The following KCNIP4 variants were observed in gnomAD, a reference collection of about 807,000 sequenced individuals.
KCNIP4 encodes Kv channel-interacting protein 4.
A neutral mutation model predicts 34.0 loss-of-function variants in KCNIP4; 12 were observed. That is an observed-to-expected ratio of 0.35 (90% CI 0.23 to 0.57). KCNIP4 has a LOEUF of 0.57. KCNIP4 is among the 20% of genes least tolerant of loss of function. The pLI is 0.83. For synonymous variants in KCNIP4, 124 were observed against 102.2 expected (o/e 1.21, Z -1.29); for missense variants, 238 against 311.7 (o/e 0.76, Z 1.78).
chr4:21,645,380 C>T (rs1434865183), intron 1 of KCNIP4, among the ~76,000 whole-genome samples: 1 of 152,074 alleles, frequency 6.6e-6, no homozygotes, highest in Non-Finnish European at 1.5e-5. Flanking sequence ...AATGGAGTTT[C>T]CTTAATAAAT....
At chr4:21,303,811 T>TAA in intron 1 of KCNIP4, 2 of 1,613,640 alleles carry the variant, frequency 1.2e-6, no homozygotes, top group Non-Finnish European at 1.7e-6. Flanking sequence ...CCTTACCTTC[T>TAA]AAACCTGCTT....
chr4:21,771,866 G>A (rs1042457218), intron 1 of KCNIP4, among the ~76,000 whole-genome samples: 1 of 151,806 alleles, frequency 6.6e-6, no homozygotes, highest in African/African-American at 2.4e-5. Flanking sequence ...AATCATGTCT[G>A]CAAACAGAAA....
At chr4:21,738,961 G>A (rs1034016467) in intron 1 of KCNIP4, among the ~76,000 whole-genome samples, 5 of 152,032 alleles carry the variant, frequency 3.3e-5, no homozygotes, top group Non-Finnish European at 1.5e-5. Flanking sequence ...ATCTTGATTC[G>A]GCTTTCATTA....
intron 1 of KCNIP4, among the ~76,000 whole-genome samples, chr4:21,228,742 T>C (rs1758583922): frequency 6.6e-6 from 1 of 152,152 alleles, no homozygotes; most frequent in Non-Finnish European, 1.5e-5. Context: ...CTAAACCTAG[T>C]GTTCTCCTCC....
At chr4:20,798,451 C>T (rs549712094) in intron 3 of KCNIP4, among the ~76,000 whole-genome samples, 5 of 151,988 alleles carry the variant, frequency 3.3e-5, no homozygotes, top group Non-Finnish European at 7.4e-5. Flanking sequence ...CTTGGAGTGA[C>T]ATCAACAAGA....
At chr4:21,043,660 G>A (rs1246552759) in intron 1 of KCNIP4, among the ~76,000 whole-genome samples, 5 of 151,982 alleles carry the variant, frequency 3.3e-5, no homozygotes, top group African/African-American at 1.2e-4. Context: ...TTTTAGATAT[G>A]TGATAGAAGA....
intron 1 of KCNIP4, among the ~76,000 whole-genome samples, chr4:21,345,623 A>G (rs918863187): frequency 1.3e-5 from 2 of 152,168 alleles, no homozygotes; most frequent in African/African-American, 4.8e-5. Context: ...AGCTTTGACT[A>G]TCAGGGAAAG....
chr4:20,829,919 T>TTA (rs538311405), intron 3 of KCNIP4, among the ~76,000 whole-genome samples: 1 of 152,056 alleles, frequency 6.6e-6, no homozygotes, highest in Non-Finnish European at 1.5e-5. Flanking sequence ...AACTCTAGAT[T>TTA]TATATATATG....
chr4:21,328,722 G>T (rs565173109), intron 1 of KCNIP4, among the ~76,000 whole-genome samples: 1 of 152,310 alleles, frequency 6.6e-6, no homozygotes, highest in Non-Finnish European at 1.5e-5. Context: ...AGGAGCCAGG[G>T]CCTGGAGTCA....
chr4:21,463,936 G>T (rs1202305342), intron 1 of KCNIP4, among the ~76,000 whole-genome samples: 1 of 151,970 alleles, frequency 6.6e-6, no homozygotes, highest in South Asian at 2.1e-4. Context: ...ATCAATGGTG[G>T]TTGTTTCTGG....
At chr4:20,814,000 A>G (rs928878103) in intron 3 of KCNIP4, among the ~76,000 whole-genome samples, 1 of 152,146 alleles carries the variant, frequency 6.6e-6, no homozygotes, top group African/African-American at 2.4e-5. Context: ...CTGCCAAGTA[A>G]CCCACTATCT....
intron 1 of KCNIP4, among the ~76,000 whole-genome samples, chr4:21,526,958 T>C (rs1455978072): frequency 6.6e-6 from 1 of 152,180 alleles, no homozygotes; most frequent in Non-Finnish European, 1.5e-5. Context: ...TACTTTTTAA[T>C]AGTGTTTTCA....
chr4:21,562,087 T>G (rs748902095), intron 1 of KCNIP4, among the ~76,000 whole-genome samples: 1 of 151,906 alleles, frequency 6.6e-6, no homozygotes, highest in Non-Finnish European at 1.5e-5. Flanking sequence ...TAGCAAAATC[T>G]TTCTCTTCCT....
At chr4:21,786,639 C>A (rs1364605298) in intron 1 of KCNIP4, among the ~76,000 whole-genome samples, 1 of 149,620 alleles carries the variant, frequency 6.7e-6, no homozygotes, top group African/African-American at 2.5e-5. Flanking sequence ...CTGATCTCCT[C>A]TCATTGCAAG....
intron 1 of KCNIP4, among the ~76,000 whole-genome samples, chr4:21,793,849 T>G (rs938611307): frequency 9.2e-5 from 14 of 152,122 alleles, no homozygotes; most frequent in Admixed American, 7.9e-4. Context: ...GTTTATTGTG[T>G]CACTATTCAC....
At chr4:21,600,696 T>C (rs899342456) in intron 1 of KCNIP4, among the ~76,000 whole-genome samples, 2 of 152,128 alleles carry the variant, frequency 1.3e-5, no homozygotes, top group African/African-American at 2.4e-5. Context: ...ACTCATGCTC[T>C]GCATGTGTTT....
At chr4:20,913,814 G>A (rs568499890) in intron 1 of KCNIP4, among the ~76,000 whole-genome samples, 3 of 152,180 alleles carry the variant, frequency 2.0e-5, no homozygotes, top group Non-Finnish European at 2.9e-5. Context: ...CTCACTCATA[G>A]GGTTGTTTTG....
chr4:21,905,662 C>T (rs1425406936), intron 1 of KCNIP4, among the ~76,000 whole-genome samples: 5 of 152,180 alleles, frequency 3.3e-5, no homozygotes, highest in African/African-American at 4.8e-5. Flanking sequence ...CCTTCGGGCT[C>T]TCCTTTCTTT....
intron 1 of KCNIP4, among the ~76,000 whole-genome samples, chr4:21,525,552 A>G (rs1397152717): frequency 1.3e-5 from 2 of 152,146 alleles, no homozygotes; most frequent in Non-Finnish European, 2.9e-5. Context: ...TAAATAATTT[A>G]CTCATTGGTA....
Sources: gnomAD v4.1 joint callset for allele counts (sites outside exome capture counted in the v4.1 genomes callset) on GRCh38, gnomAD v4.1.1 for gene constraint, MANE v1.5 for transcripts, NCBI Gene and HGNC (gene_info 2026-07-23, HGNC 2026-07-21) for gene names.